Variants in RASGRP1 observed in about 807,000 individuals in gnomAD.
RASGRP1 encodes RAS guanyl releasing protein 1, also known as RAS guanyl-releasing protein 1.
In RASGRP1, 37 loss-of-function variants were observed where a neutral mutation model predicts 95.1. That is an observed-to-expected ratio of 0.39 (90% CI 0.30 to 0.51). The LOEUF is 0.51. RASGRP1 is among the 20% of genes least tolerant of loss of function. RASGRP1 has a pLI of 0.80. For missense variants in RASGRP1, 711 were observed against 965.4 expected (o/e 0.74, Z 3.49); for synonymous variants, 325 against 353.4 (o/e 0.92, Z 0.90).
At chr15:38,500,683 A>G (rs1018079023) in intron 13 of RASGRP1, among the ~76,000 whole-genome samples, 2 of 152,172 alleles carry the variant, frequency 1.3e-5, no homozygotes, top group Non-Finnish European at 2.9e-5. Context: ...TTCTCGAGAA[A>G]TGGATGAATC....
intron 2 of RASGRP1, among the ~76,000 whole-genome samples, chr15:38,549,240 G>A (rs1268478986): frequency 6.6e-6 from 1 of 152,222 alleles, no homozygotes. Flanking sequence ...AACTGGGAAG[G>A]AGGAAGGGCA....
chr15:38,490,941 C>T (rs1025862739), intron 16 of RASGRP1, among the ~76,000 whole-genome samples: 3 of 152,060 alleles, frequency 2.0e-5, no homozygotes, highest in South Asian at 2.1e-4. Flanking sequence ...AAACCATTTC[C>T]GAGCAATAGG....
intron 2 of RASGRP1, among the ~76,000 whole-genome samples, chr15:38,553,662 A>G (rs1893425660): frequency 6.6e-6 from 1 of 152,254 alleles, no homozygotes; most frequent in African/African-American, 2.4e-5. Context: ...TGTAGTTGTA[A>G]CAGACATCCA....
chr15:38,494,844 G>A (rs1890735726), intron 15 of RASGRP1, 77 bp from the exon 16 acceptor site: 1 of 1,199,954 alleles, frequency 8.3e-7, no homozygotes, highest in Non-Finnish European at 1.1e-6. Context: ...TAGTTTCAAT[G>A]AGACCTTTCT....
At chr15:38,531,370 C>T (rs1892430909) in intron 2 of RASGRP1, among the ~76,000 whole-genome samples, 1 of 152,166 alleles carries the variant, frequency 6.6e-6, no homozygotes, top group Non-Finnish European at 1.5e-5. Context: ...GGGAGCTGAG[C>T]TTTACGAACT....
At position 38,563,626 on chromosome 15, in the gene RASGRP1, T is replaced by TC. The variant is rs549534192; in HGVS notation, c.35+967dup. On this transcript the variant is annotated intron_variant, in intron 1 of 16. Coordinates refer to ENST00000310803, the MANE Select transcript of RASGRP1 (RefSeq NM_005739.4). ...TGGATTCCTTCCAGTCCCGTCCTCT[T>TC]CCCCTTACAATACTCAATTTAATGT... is the stretch of plus-strand genomic sequence containing the variant. 1.8e-3 allele frequency among the ~76,000 whole-genome samples: 277 copies of TC among 152,270 alleles called. 1 individual carries two copies. The highest frequency in any genetic ancestry group is 6.3e-3 in the African/African-American group (260 of 41,550).
chr15:38,528,053 G>A (rs1476706329), intron 2 of RASGRP1, among the ~76,000 whole-genome samples: 1 of 151,956 alleles, frequency 6.6e-6, no homozygotes, highest in Non-Finnish European at 1.5e-5. Context: ...CCATTTCACT[G>A]GTACTCTGTT....
At chr15:38,491,340 T>C (rs1232148154) in intron 16 of RASGRP1, among the ~76,000 whole-genome samples, 2 of 152,222 alleles carry the variant, frequency 1.3e-5, no homozygotes, top group African/African-American at 2.4e-5. Context: ...ATCTGAATTA[T>C]CTACATAGCT....
intron 16 of RASGRP1, among the ~76,000 whole-genome samples, chr15:38,493,674 T>G (rs1890685066): frequency 6.6e-6 from 1 of 152,206 alleles, no homozygotes; most frequent in Non-Finnish European, 1.5e-5. Context: ...TAGATTATAT[T>G]GCTCTATATT....
Position 38,555,680 on chromosome 15 carries a change from A to G in RASGRP1, c.220+4141T>C, listed in dbSNP as rs566403258. On this transcript the variant is annotated intron_variant, in intron 2 of 16. Coordinates refer to ENST00000310803, the MANE Select transcript of RASGRP1 (RefSeq NM_005739.4). Reference sequence around the variant, plus strand: ...GGAGAGAGTAATATCTGACCTGCCTATTTCAGAGCTGTTCTCAGTATAAAA... The same window carrying G: ...GGAGAGAGTAATATCTGACCTGCCTGTTTCAGAGCTGTTCTCAGTATAAAA... Among the ~76,000 whole-genome samples, 28 of 152,158 alleles carry G rather than the reference A, an allele frequency of 1.8e-4. 1 individual carries two copies. The East Asian group carries it at 3.9e-3, about 21-fold the overall frequency.
chr15:38,546,429 T>C lies in RASGRP1; in HGVS notation c.220+13392A>G, dbSNP rs181028208. ...TTTTAGTAGAGACGGAGTTTCACCA[T>C]GTTGGCCAGGATGGTTTCGATCTCT... On this transcript the variant is annotated intron_variant, in intron 2 of 16. Coordinates refer to ENST00000310803, the MANE Select transcript of RASGRP1 (RefSeq NM_005739.4). Among the ~76,000 whole-genome samples the C allele has an allele frequency of 7.9e-4, 121 of 152,294 alleles. No homozygotes were observed. In the East Asian group the frequency reaches 0.023, roughly 28 times the overall value.
chr15:38,515,786 C>T (rs1003418836), intron 6 of RASGRP1, among the ~76,000 whole-genome samples: 7 of 149,160 alleles, frequency 4.7e-5, no homozygotes, highest in African/African-American at 1.5e-4. Flanking sequence ...GCACCCCCCC[C>T]CCTTTTTTTT....
chr15:38,531,625 A>C lies in RASGRP1; in HGVS notation c.221-5221T>G, dbSNP rs970672265. On this transcript the variant is annotated intron_variant, in intron 2 of 16. Coordinates refer to ENST00000310803, the MANE Select transcript of RASGRP1 (RefSeq NM_005739.4). ...ACAGTTTCAGTGACGTTCCCAAAGT[A>C]CGGCTTGTTAATCCTCACATGGTCT... 8.5e-5 allele frequency among the ~76,000 whole-genome samples: 13 copies of C among 152,118 alleles called. 1 individual carries two copies. The highest frequency in any genetic ancestry group is 5.9e-4 in the Admixed American group (9 of 15,280).
At chr15:38,529,381 C>T (rs985027570) in intron 2 of RASGRP1, among the ~76,000 whole-genome samples, 2 of 152,186 alleles carry the variant, frequency 1.3e-5, no homozygotes, top group Non-Finnish European at 2.9e-5. Flanking sequence ...CTCTCCACAC[C>T]TCTAATTGTA....
At chr15:38,521,921 T>G (rs908305438) in intron 3 of RASGRP1, among the ~76,000 whole-genome samples, 1 of 152,204 alleles carries the variant, frequency 6.6e-6, no homozygotes, top group African/African-American at 2.4e-5. Flanking sequence ...GCCTTCAATG[T>G]TTAACCTGGC....
At position 38,490,317 on chromosome 15, in the gene RASGRP1, G is replaced by A. The variant is rs1161120335; in HGVS notation, c.*237C>T. 1 of 347,174 alleles carries A rather than the reference G, an allele frequency of 2.9e-6. No individual in the cohort carries two copies. The highest frequency in any genetic ancestry group is 5.1e-6 in the Non-Finnish European group (1 of 195,090). 21.5% of individuals were successfully genotyped at this position (347,174 alleles called of 1,614,324 possible). On this transcript the variant is annotated 3_prime_UTR_variant, in exon 17 of 17. Coordinates refer to ENST00000310803, the MANE Select transcript of RASGRP1 (RefSeq NM_005739.4). ...GATCGCATACTTTTGATGAACATCA[G>A]TGGTATGAATAGCAAAAGTTTTGCA...
rs1890493113 is a variant in RASGRP1, at chr15:38,489,611, A to G, written c.*943T>C. The G allele has an allele frequency of 6.6e-6, 1 of 152,470 alleles. No homozygotes were observed. The highest frequency in any genetic ancestry group is 2.4e-5 in the African/African-American group (1 of 41,426). The allele number at this position is 152,470 out of a possible 1,614,324, so 9.4% of individuals were successfully genotyped here. ...CACTGATCCAATTAGCTTATTTCTAAATAGTATTAATAGTGAAGACAGTTA... is the reference window on the plus strand; with the variant it reads ...CACTGATCCAATTAGCTTATTTCTAGATAGTATTAATAGTGAAGACAGTTA... On this transcript the variant is annotated 3_prime_UTR_variant, in exon 17 of 17. Coordinates refer to ENST00000310803, the MANE Select transcript of RASGRP1 (RefSeq NM_005739.4).
At chr15:38,516,007 G>A (rs1891765056) in intron 6 of RASGRP1, among the ~76,000 whole-genome samples, 190 bp downstream of exon 6, 1 of 151,868 alleles carries the variant, frequency 6.6e-6, no homozygotes, top group Non-Finnish European at 1.5e-5. Context: ...AGAGATGGGA[G>A]AAGCACAGGA....
At chr15:38,501,352 G>A (rs956765490) in intron 12 of RASGRP1, 65 bp from the exon 13 acceptor site, 4 of 1,563,400 alleles carry the variant, frequency 2.6e-6, no homozygotes, top group Middle Eastern at 3.3e-4. Context: ...AGCAAGGGGG[G>A]GCTTCTAGCC....
Sources: gnomAD v4.1 joint callset for allele counts (sites outside exome capture counted in the v4.1 genomes callset) on GRCh38, gnomAD v4.1.1 for gene constraint, MANE v1.5 for transcripts, NCBI Gene and HGNC (gene_info 2026-07-23, HGNC 2026-07-21) for gene names.